Variants in ZNF91 observed in about 807,000 individuals in gnomAD.
ZNF91 encodes zinc finger protein 91.
ZNF91 carries 7 observed loss-of-function variants against 12.6 expected under a neutral mutation model. The ratio of observed to expected loss-of-function variants is 0.55; its 90% confidence interval spans 0.31 to 1.04. ZNF91 has a LOEUF of 1.04. ZNF91 is among the 50% of genes least tolerant of loss of function. The pLI, the probability that ZNF91 is intolerant of heterozygous loss-of-function variation, is 0.05. For synonymous variants in ZNF91, 453 were observed against 462.6 expected, an observed-to-expected ratio of 0.98 and a Z score of 0.27; for missense variants, 1,217 against 1,385.4, an observed-to-expected ratio of 0.88 and a Z score of 1.93.
chr19:23,334,508 T>C (rs1221521218), downstream of ZNF91, among the ~76,000 whole-genome samples: 1 of 152,226 alleles, frequency 6.6e-6, no homozygotes, highest in Non-Finnish European at 1.5e-5. Context: ...AAAGAGACTT[T>C]TCAGCCCAGA....
At chr19:23,348,157 A>C (rs1306091669) in intron 3 of ZNF91, among the ~76,000 whole-genome samples, 1 of 152,084 alleles carries the variant, frequency 6.6e-6, no homozygotes, top group East Asian at 1.9e-4. Flanking sequence ...AAACTCACCA[A>C]GTTGGCTCTA....
chr19:23,352,430 G>A (rs566947819), intron 3 of ZNF91, among the ~76,000 whole-genome samples: 4 of 152,066 alleles, frequency 2.6e-5, no homozygotes, highest in Admixed American at 2.0e-4. Flanking sequence ...AGCACCTCCC[G>A]CACCCAATGA....
At position 23,323,070 on chromosome 19, in the gene ZNF91, GTTTT is replaced by G. The variant is rs970551273; in HGVS notation, n.117-13977_117-13974del. ...TTCCTCCTCCTTTCCTCATCCTCCC[GTTTT>G]TTTCTTTTCTTCCTCCTCCCCTCCC... On this transcript the variant is annotated intron_variant and non_coding_transcript_variant, in intron 1 of 1. Coordinates refer to the ZNF91 transcript ENST00000596528. Among the ~76,000 whole-genome samples the G allele has an allele frequency of 4.9e-4, 58 of 117,558 alleles. No homozygotes were observed. In the East Asian group the frequency reaches 0.012, roughly 23 times the overall value. The allele number at this position is 117,558 out of a possible 152,430, so 77.1% of individuals were successfully genotyped here.
At position 23,359,713 on chromosome 19, in the gene ZNF91, T is replaced by C; in HGVS notation, c.3266A>G (p.Gln1089Arg). Residue 1089 changes from glutamine to arginine, a missense_variant, in exon 4 of 4, where the codon CAA (glutamine) becomes CGA (arginine). Coordinates refer to ENST00000300619, the MANE Select transcript of ZNF91 (RefSeq NM_003430.4). ...CTTATGTCTAGTTAGGGTTGAAGAT[T>C]GGCTAAATGCTTTGCCACATTCTTC... ...KCEECGKAFS[Q>R]SSTLTRHKRL... 2 of 1,614,052 alleles carry C rather than the reference T, an allele frequency of 1.2e-6. No homozygotes were observed. Among genetic ancestry groups the C allele is most frequent in the Non-Finnish European group, 1.7e-6 (2 of 1,179,994 alleles).
chr19:23,316,918 C>A (rs1599681606), intron 1 of ZNF91, among the ~76,000 whole-genome samples: 1 of 152,188 alleles, frequency 6.6e-6, no homozygotes, highest in East Asian at 1.9e-4. Context: ...GTGGACAGAG[C>A]CCACAGGTGA....
chr19:23,366,275 C>T (rs1019247169), intron 3 of ZNF91, among the ~76,000 whole-genome samples: 14 of 151,726 alleles, frequency 9.2e-5, no homozygotes, highest in Non-Finnish European at 1.8e-4. Context: ...CCAGACGGGG[C>T]GGCTGGCCTG....
At chr19:23,357,253 A>AACAAC (rs1406977243), downstream of ZNF91, among the ~76,000 whole-genome samples, 3 of 151,212 alleles carry the variant, frequency 2.0e-5, no homozygotes, top group Middle Eastern at 3.2e-3. Context: ...CAACAACAAC[A>AACAAC]AACAATTAAG....
intron 1 of ZNF91, among the ~76,000 whole-genome samples, chr19:23,388,463 G>A (rs753151020): frequency 2.6e-5 from 4 of 152,198 alleles, no homozygotes; most frequent in Non-Finnish European, 4.4e-5. Context: ...TACATTACCT[G>A]TTTTCAAATT....
chr19:23,356,467 G>C (rs1233329036), downstream of ZNF91, among the ~76,000 whole-genome samples: 2 of 152,148 alleles, frequency 1.3e-5, no homozygotes, highest in Admixed American at 6.5e-5. Flanking sequence ...GATGAGATTG[G>C]AGACTATTAT....
chr19:23,359,526 G>A lies in ZNF91; in HGVS notation c.3453C>T (p.Asn1151=). 4 of 1,613,042 alleles carry A rather than the reference G, an allele frequency of 2.5e-6. No homozygotes were observed. In the South Asian group the frequency reaches 3.3e-5, roughly 13 times the overall value. ...GTGTGATAGTATGAATTTTCTTATG[G>A]TTAGTAAGGATTGAAGACTGGTTAA... is the stretch of plus-strand genomic sequence containing the variant. ...KAFNQSSILT[N]HKKIHTITPV... Residue 1151 remains asparagine (N), a synonymous_variant, in exon 4 of 4, where the codon AAC becomes AAT. Coordinates refer to ENST00000300619, the MANE Select transcript of ZNF91 (RefSeq NM_003430.4).
rs199646954 is a variant in ZNF91 at position 23,341,055 on chromosome 19, A to ATT, written c.254-2003_254-2002dup. 9.5e-4 allele frequency among the ~76,000 whole-genome samples: 132 copies of ATT among 138,604 alleles called. 1 individual carries two copies. The East Asian group carries it at 0.011, about 12-fold the overall frequency. 90.9% of individuals were successfully genotyped at this position (138,604 alleles called of 152,430 possible). ...AATCTCAACTAAAAATAAAACTGCC[A>ATT]TTTTTTTTTTTTTTTTTGAGACGGA... On this transcript the variant is annotated intron_variant, in intron 3 of 3. Transcript: ENST00000599743.
At chr19:23,317,405 T>C (rs1033477903) in intron 1 of ZNF91, among the ~76,000 whole-genome samples, 1 of 152,100 alleles carries the variant, frequency 6.6e-6, no homozygotes, top group African/African-American at 2.4e-5. Flanking sequence ...TATTTGGACC[T>C]AGCCAATTGG....
In ZNF91 at chr19:23,323,244, T is replaced by C. The variant is rs184093806; in HGVS notation, n.117-14147A>G. 3.2e-3 allele frequency among the ~76,000 whole-genome samples: 462 copies of C among 145,078 alleles called. 6 individuals carry two copies. Among genetic ancestry groups the C allele is most frequent in the Non-Finnish European group, 2.2e-3 (142 of 65,344 alleles). On this transcript the variant is annotated intron_variant and non_coding_transcript_variant, in intron 1 of 1. Transcript: ENST00000596528. ...CCTTTCTCTCCTTCTTCTCCTCTCC[T>C]TTCTCCTCTCCTCCTGTTCCTTTTC... is the stretch of plus-strand genomic sequence containing the variant.
At chr19:23,356,816 G>A (rs762238705), downstream of ZNF91, among the ~76,000 whole-genome samples, 10 of 152,096 alleles carry the variant, frequency 6.6e-5, no homozygotes, top group Non-Finnish European at 8.8e-5. Flanking sequence ...CAGGCCAGCC[G>A]GGCCTGGTAC....
At position 23,360,065 on chromosome 19, in the gene ZNF91, C is replaced by T. The variant is rs201578924; in HGVS notation, c.2914G>A (p.Gly972Ser). 10 of 1,613,198 alleles carry T rather than the reference C, an allele frequency of 6.2e-6. No homozygotes were observed. The highest frequency in any genetic ancestry group is 8.5e-6 in the Non-Finnish European group (10 of 1,180,000). ...GEKPYKCEEC[G>S]KAFRKSSTLT... Reference sequence around the variant, plus strand: ...GTTGAAGATTTCCTAAAAGCTTTGCCACATTCTTCACATTTGTAGGGTTTC... The same window carrying T: ...GTTGAAGATTTCCTAAAAGCTTTGCTACATTCTTCACATTTGTAGGGTTTC... The change falls in exon 4 of 4, where the codon GGC (glycine) becomes AGC (serine). Residue 972 changes from glycine (G) to serine (S), a missense_variant. Physicochemically the swap from Gly to Ser is moderately conservative, Grantham distance 56. Transcript: ENST00000300619.
upstream of ZNF91, among the ~76,000 whole-genome samples, chr19:23,314,372 G>A (rs1967518203): frequency 2.0e-5 from 3 of 151,836 alleles, no homozygotes; most frequent in Admixed American, 2.0e-4. Context: ...ACAGAAGGGA[G>A]GGTAACTTGT....
chr19:23,374,388 CAA>C (rs34706703), intron 2 of ZNF91, among the ~76,000 whole-genome samples: 26 of 88,220 alleles, frequency 2.9e-4, no homozygotes, highest in Middle Eastern at 6.1e-3. Flanking sequence ...CTAAAAATAC[CAA>C]AAAAAAAAAA....
chr19:23,375,782 T>A (rs1281702739), intron 1 of ZNF91, among the ~76,000 whole-genome samples: 1 of 152,142 alleles, frequency 6.6e-6, no homozygotes, highest in African/African-American at 2.4e-5. Context: ...ATAAAGATAC[T>A]TAATGATGAA....
intron 3 of ZNF91, chr19:23,339,937 T>C (rs2145880585): frequency 8.8e-6 from 1 of 113,260 alleles, no homozygotes; most frequent in South Asian, 2.7e-4. Flanking sequence ...GTGTAAAACC[T>C]ATCTCAAAAA....
Sources: allele counts gnomAD v4.1 joint callset (sites outside exome capture counted in the v4.1 genomes callset), GRCh38; gene constraint gnomAD v4.1.1; transcripts MANE v1.5; gene names NCBI Gene and HGNC (gene_info 2026-07-23, HGNC 2026-07-21).